PIEZO1: variants seen among roughly 807,000 people sequenced by gnomAD.
PIEZO1 encodes piezo type mechanosensitive ion channel component 1 (Er blood group).
In PIEZO1, 296 loss-of-function variants were observed where a neutral mutation model predicts 297.2. That is an observed-to-expected ratio of 1.00 (90% CI 0.91 to 1.10). The LOEUF (loss-of-function observed/expected upper bound fraction) is 1.10. Among genes scored for constraint, PIEZO1 ranks in the 50% least tolerant of loss-of-function variants. The pLI, the probability that PIEZO1 is intolerant of heterozygous loss-of-function variation, is 0.00. For synonymous variants in PIEZO1, 2,427 were observed against 1,507.5 expected (o/e 1.61, Z -14.13); for missense variants, 5,018 against 3,455.5 (o/e 1.45, Z -11.34).
chr16:88,722,032 G>C lies in PIEZO1; in HGVS notation c.4990C>G (p.Leu1664Val), dbSNP rs1399262291. The stretch of plus-strand genomic sequence containing the variant: ...GCCCGGCCCTGCCCCTCCGCAAACA[G>C]CTCTGCCTCCTCCAGCTCTGGGATG... Reference protein sequence around the residue: ...LRIPELEEAELFAEGQGRALR... With the variant: ...LRIPELEEAEVFAEGQGRALR... Residue 1664 changes from leucine to valine, a missense_variant, in exon 37 of 51, where the codon CTG becomes GTG. By Grantham distance (32) the Leu-to-Val change is conservative. Transcript: ENST00000301015. The C allele has an allele frequency of 3.9e-6, 6 of 1,547,756 alleles. No individual in the cohort carries two copies. The highest frequency in any genetic ancestry group is 2.7e-5 in the African/African-American group (2 of 73,006).
rs1160354976 is a variant in PIEZO1, at chr16:88,733,964, G to C, written c.2271C>G (p.Asp757Glu). Residue 757 changes from aspartate to glutamate, a missense_variant, in exon 17 of 51, where the codon GAC (aspartate) becomes GAG (glutamate). Coordinates refer to ENST00000301015, the MANE Select transcript of PIEZO1 (RefSeq NM_001142864.4). ...QQQEEEEEEE[D>E]SRDEGLGVAT... ...CCACGCCCAGCCCCTCGTCCCTGGA[G>C]TCCTCCTCCTCCTCCTCCTCCTCCT... The C allele has an allele frequency of 2.2e-5, 34 of 1,523,284 alleles. No individual in the cohort carries two copies. Among genetic ancestry groups the C allele is most frequent in the Non-Finnish European group, 2.9e-5 (33 of 1,127,452 alleles). 94.4% of individuals were successfully genotyped at this position (1,523,284 alleles called of 1,614,324 possible).
At chr16:88,771,508 G>A (rs1448541349) in intron 1 of PIEZO1, among the ~76,000 whole-genome samples, 5 of 152,214 alleles carry the variant, frequency 3.3e-5, no homozygotes, top group Admixed American at 1.3e-4. Flanking sequence ...GGCTCCCCAC[G>A]GCTCACGCAG....
rs370663645 is a variant in PIEZO1, at chr16:88,749,450, G to A, written c.94C>T (p.Leu32=). 2.0e-6 allele frequency: 3 copies of A among 1,524,282 alleles called. No individual in the cohort carries two copies. Among genetic ancestry groups the A allele is most frequent in the Non-Finnish European group, 1.8e-6 (2 of 1,142,300 alleles). The allele number at this position is 1,524,282 out of a possible 1,614,324, so 94.4% of individuals were successfully genotyped here. A position where few individuals can be genotyped will look rare whatever the true frequency, so the allele number is the denominator to read the frequency against. ...AGCAGCAGGAAGAGCAGGTAGACCA[G>A]CGAGAGTCCGCTGAAGCGGAGCAGG... ...ACLLRFSGLS[L]VYLLFLLLLP... The change falls in exon 2 of 51, where the codon CTG becomes TTG. Residue 32 remains leucine, a synonymous_variant. Coordinates refer to ENST00000301015, the MANE Select transcript of PIEZO1 (RefSeq NM_001142864.4).
intron 22 of PIEZO1, among the ~76,000 whole-genome samples, chr16:88,730,503 C>T (rs544709239): frequency 6.9e-6 from 1 of 145,950 alleles, no homozygotes; most frequent in Admixed American, 7.2e-5. Flanking sequence ...GAGGCTGAGA[C>T]AGGAGAATTG....
chr16:88,732,271 G>A (rs918751329), intron 21 of PIEZO1, 64 bp downstream of exon 21: 10 of 1,403,104 alleles, frequency 7.1e-6, no homozygotes, highest in Admixed American at 6.0e-5. Context: ...CCTGCACGGT[G>A]CAGCCGTCCC....
chr16:88,715,749 C>G lies in PIEZO1; in HGVS notation c.7422G>C (p.Val2474=), dbSNP rs1567655768. 5.2e-6 allele frequency: 8 copies of G among 1,550,466 alleles called. No homozygotes were observed. The highest frequency in any genetic ancestry group is 7.0e-6 in the Non-Finnish European group (8 of 1,146,974). The change falls in exon 51 of 51, where the codon GTG becomes GTC. Residue 2474 remains valine, a synonymous_variant. Coordinates refer to ENST00000301015, the MANE Select transcript of PIEZO1 (RefSeq NM_001142864.4). ...CCTGGCAGAGCTTGAGGATGCGGTC[C>G]ACGCACGGCAGCTCCTCGAACATAA... ...HSIMFEELPC[V]DRILKLCQDI...
chr16:88,722,788 G>A (rs1312884842), intron 34 of PIEZO1, 49 bp downstream of exon 34: 27 of 1,532,820 alleles, frequency 1.8e-5, no homozygotes, highest in Admixed American at 5.9e-5. Context: ...AGCAGGCAGG[G>A]GCGTAGTCAG....
intron 1 of PIEZO1, among the ~76,000 whole-genome samples, chr16:88,768,633 C>T (rs1907285566): frequency 6.6e-6 from 1 of 152,230 alleles, no homozygotes; most frequent in Non-Finnish European, 1.5e-5. Context: ...AGCTCGTCCA[C>T]AGGGCAAGAG....
At position 88,734,059 on chromosome 16, in the gene PIEZO1, GAGAGGGTCCGAAA is replaced by G. The variant is rs1230201853; in HGVS notation, c.2181-18_2181-6del. On this transcript the variant is annotated splice_polypyrimidine_tract_variant and splice_region_variant and intron_variant, in intron 16 of 50. Coordinates refer to ENST00000301015, the MANE Select transcript of PIEZO1 (RefSeq NM_001142864.4). The stretch of plus-strand genomic sequence containing the variant: ...GTCCCACTCACTGCATCCTGCCTGG[GAGAGGGTCCGAAA>G]ATGTCATCTCCCAACTGGGTTCCTG... 1 of 1,500,676 alleles carries G rather than the reference GAGAGGGTCCGAAA, an allele frequency of 6.7e-7. No homozygotes were observed. Among genetic ancestry groups the G allele is most frequent in the African/African-American group, 1.4e-5 (1 of 71,594 alleles). The allele number at this position is 1,500,676 out of a possible 1,614,324, so 93.0% of individuals were successfully genotyped here. A position where few individuals can be genotyped will look rare whatever the true frequency, so the allele number is the denominator to read the frequency against.
At chr16:88,725,374 C>G in intron 29 of PIEZO1, 42 bp downstream of exon 29, 2 of 1,207,488 alleles carry the variant, frequency 1.7e-6, no homozygotes. Context: ...CACAGACATG[C>G]TGGACACGGG....
At chr16:88,750,029 A>G (rs562513082) in intron 1 of PIEZO1, among the ~76,000 whole-genome samples, 3 of 145,556 alleles carry the variant, frequency 2.1e-5, no homozygotes, top group East Asian at 2.1e-4. Context: ...CCTCAAAAAG[A>G]GAAAGAAAGA....
chr16:88,717,004 C>A lies in PIEZO1; in HGVS notation c.6660+19G>T. The stretch of plus-strand genomic sequence containing the variant: ...CCCCCAGGGGATGGGAATGGACAGG[C>A]GGACCCACACATGCTCACCTCATAG... On this transcript the variant is annotated intron_variant, in intron 45 of 50. Coordinates refer to ENST00000301015, the MANE Select transcript of PIEZO1 (RefSeq NM_001142864.4). 6.5e-7 allele frequency: 1 copy of A among 1,549,642 alleles called. No individual in the cohort carries two copies. The highest frequency in any genetic ancestry group is 8.7e-7 in the Non-Finnish European group (1 of 1,146,390).
chr16:88,775,356 T>G (rs1907609577), intron 1 of PIEZO1, among the ~76,000 whole-genome samples: 1 of 152,196 alleles, frequency 6.6e-6, no homozygotes, highest in South Asian at 2.1e-4. Context: ...GGAGAGGACG[T>G]TCAGTGGCAG....
chr16:88,742,511 G>C, intron 2 of PIEZO1, 89 bp from the exon 3 acceptor site: 1 of 1,378,620 alleles, frequency 7.3e-7, no homozygotes, highest in Admixed American at 2.4e-5. Context: ...CCCCCAGCCC[G>C]GCCAGAGCCC....
chr16:88,719,479 C>T lies in PIEZO1; in HGVS notation c.6471+95G>A. On this transcript the variant is annotated intron_variant, in intron 44 of 50. Coordinates refer to ENST00000301015, the MANE Select transcript of PIEZO1 (RefSeq NM_001142864.4). ...TGGGCTCCGAGCCCTGGGAGGGCCT[C>T]CAGCACCACGGGTTCTCGTGGCAGC... 4 of 1,265,856 alleles carry T rather than the reference C, an allele frequency of 3.2e-6. No individual in the cohort carries two copies. The South Asian group carries it at 5.7e-5, about 18-fold the overall frequency. 78.4% of individuals were successfully genotyped at this position (1,265,856 alleles called of 1,614,324 possible).
At position 88,715,691 on chromosome 16, in the gene PIEZO1, C is replaced by G. The variant is rs1386289939; in HGVS notation, c.7480G>C (p.Glu2494Gln). ...IFLVRETREL[E>Q]LEEELYAKLI... ...TTGGCGTACAACTCCTCCTCCAGCT[C>G]CAGCTCCCGAGTCTCCCGCACCAGG... The change falls in exon 51 of 51, where the codon GAG (glutamate) becomes CAG (glutamine). Residue 2494 changes from glutamate (E) to glutamine (Q), a missense_variant. Glu to Gln is a conservative substitution (Grantham distance 29). Coordinates refer to ENST00000301015, the MANE Select transcript of PIEZO1 (RefSeq NM_001142864.4). 9 of 1,550,308 alleles carry G rather than the reference C, an allele frequency of 5.8e-6. No individual in the cohort carries two copies. Among genetic ancestry groups the G allele is most frequent in the East Asian group, 2.4e-5 (1 of 40,932 alleles).
chr16:88,736,173 T>TA lies in PIEZO1; in HGVS notation c.1531dup (p.Tyr511LeufsTer266). Reference sequence around the variant, plus strand: ...CATGGCACCAAGGTCCAGACAGGGGTAGCGGGTGTGCTCCAGCCCCAGCTG... The same window carrying TA: ...CATGGCACCAAGGTCCAGACAGGGGTAAGCGGGTGTGCTCCAGCCCCAGCTG... On this transcript the variant is annotated frameshift_variant, in exon 12 of 51. Coordinates refer to ENST00000301015, the MANE Select transcript of PIEZO1 (RefSeq NM_001142864.4). LOFTEE classifies it high-confidence loss of function. 6.5e-7 allele frequency: 1 copy of TA among 1,548,126 alleles called. No homozygotes were observed. The highest frequency in any genetic ancestry group is 1.2e-5 in the South Asian group (1 of 83,934).
In PIEZO1 at chr16:88,723,471, G is replaced by C; in HGVS notation, c.4336-143C>G. On this transcript the variant is annotated intron_variant, in intron 31 of 50. Transcript: ENST00000301015. The stretch of plus-strand genomic sequence containing the variant: ...CCTCCGTGTCCCTGAGCCCCTCCCG[G>C]ATGGGGACCCTGAGGGGCTGTGGGG... 6.2e-6 allele frequency: 6 copies of C among 966,510 alleles called. No individual in the cohort carries two copies. In the South Asian group the frequency reaches 6.5e-5, roughly 10 times the overall value. 59.9% of individuals were successfully genotyped at this position (966,510 alleles called of 1,614,324 possible).
chr16:88,734,200 G>C, intron 16 of PIEZO1, 146 bp from the exon 17 acceptor site: 1 of 1,218,182 alleles, frequency 8.2e-7, no homozygotes, highest in Non-Finnish European at 1.1e-6. Flanking sequence ...CACTGTCCCT[G>C]TGACCTCCAC....
Sources: allele counts gnomAD v4.1 joint callset (sites outside exome capture counted in the v4.1 genomes callset), GRCh38; gene constraint gnomAD v4.1.1; transcripts MANE v1.5; gene names NCBI Gene and HGNC (gene_info 2026-07-23, HGNC 2026-07-21).